CELF2: variants seen among roughly 807,000 people sequenced by gnomAD.
CELF2 encodes CUG triplet repeat RNA-binding protein 2.
A neutral mutation model predicts 62.6 loss-of-function variants in CELF2; 8 were observed. The ratio of observed to expected loss-of-function variants is 0.13; its 90% confidence interval spans 0.07 to 0.23. The LOEUF is 0.23. Ranked by LOEUF, CELF2 falls within the 10% of genes least tolerant of loss-of-function variation. The pLI, the probability that CELF2 is intolerant of heterozygous loss-of-function variation, is 1.00. For missense variants in CELF2, 333 were observed against 671.0 expected, an observed-to-expected ratio of 0.50 and a Z score of 5.56; for synonymous variants, 258 against 250.0, an observed-to-expected ratio of 1.03 and a Z score of -0.30.
Position 11,057,258 on chromosome 10 carries a change from C to T in CELF2, c.74+39095C>T, listed in dbSNP as rs555486728. 1.2e-4 allele frequency among the ~76,000 whole-genome samples: 18 copies of T among 149,192 alleles called. No individual in the cohort carries two copies. In the South Asian group the frequency reaches 2.4e-3, roughly 20 times the overall value. On this transcript the variant is annotated intron_variant, in intron 1 of 12. Coordinates refer to ENST00000633077, the MANE Select transcript of CELF2 (RefSeq NM_001326342.2). ...TACGAGGTGCGCCTGCCTGTGAGAG[C>T]GATGCCTGGGCCTCTAGAGGGGTAG... is the stretch of plus-strand genomic sequence containing the variant.
chr10:10,991,338 AATTCTGATGACAGGCCT>A (rs1347828851), intron 2 of CELF2, among the ~76,000 whole-genome samples: 2 of 152,230 alleles, frequency 1.3e-5, no homozygotes, highest in East Asian at 3.8e-4. Flanking sequence ...CCTAAGAAGC[AATTCTGATGACAGGCCT>A]ATGAGGCACA....
At chr10:10,689,903 G>A in the CELF2 span, among the ~76,000 whole-genome samples, 1 of 152,198 alleles carries the variant, frequency 6.6e-6, no homozygotes, top group African/African-American at 2.4e-5. Flanking sequence ...CCCACAGGAA[G>A]TATTTCATTC....
chr10:10,857,809 G>T (rs1006365249), intron 1 of CELF2, among the ~76,000 whole-genome samples: 3 of 151,002 alleles, frequency 2.0e-5, no homozygotes, highest in African/African-American at 7.3e-5. Context: ...TAAAAAAAAT[G>T]ACTTTAAAAC....
chr10:10,797,102 T>G (rs921323582), upstream of CELF2, among the ~76,000 whole-genome samples: 6 of 152,178 alleles, frequency 3.9e-5, no homozygotes, highest in Non-Finnish European at 7.4e-5. Flanking sequence ...GATAGGCGTT[T>G]GGAGTGGCAA....
intron 1 of CELF2, among the ~76,000 whole-genome samples, chr10:10,815,508 G>A (rs901413023): frequency 2.0e-5 from 3 of 152,150 alleles, no homozygotes; most frequent in Non-Finnish European, 4.4e-5. Context: ...CTGTTCTGCT[G>A]TCTTCCCTCA....
At chr10:10,728,682 G>T in the CELF2 span, among the ~76,000 whole-genome samples, 4 of 152,106 alleles carry the variant, frequency 2.6e-5, no homozygotes, top group Non-Finnish European at 5.9e-5. Flanking sequence ...CTATTTTATT[G>T]AATGTGTGCT....
chr10:10,610,897 T>C, the CELF2 span, among the ~76,000 whole-genome samples: 2 of 152,188 alleles, frequency 1.3e-5, no homozygotes, highest in Non-Finnish European at 2.9e-5. Flanking sequence ...TCAAAATGCA[T>C]ACTTTGCAAA....
In CELF2 at chr10:11,329,474, G is replaced by C. The variant is rs1156565976; in HGVS notation, c.*421G>C. On this transcript the variant is annotated 3_prime_UTR_variant, in exon 13 of 13. Transcript: ENST00000633077. This position sits in a 1 kb window ranked among gnomAD's most constrained non-coding sequence, Gnocchi z 5.5. The stretch of plus-strand genomic sequence containing the variant: ...AAACCACTGGTGCCCCGAGAGCACT[G>C]CCTGGAGAATTCACCCCTCCTTGCC... The C allele has an allele frequency of 6.5e-6, 1 of 152,822 alleles. No individual in the cohort carries two copies. Among genetic ancestry groups the C allele is most frequent in the Non-Finnish European group, 1.5e-5 (1 of 68,184 alleles). The allele number at this position is 152,822 out of a possible 1,614,324, so 9.5% of individuals were successfully genotyped here. A position where few individuals can be genotyped will look rare whatever the true frequency, so the allele number is the denominator to read the frequency against.
At chr10:10,683,982 C>T in the CELF2 span, among the ~76,000 whole-genome samples, 1 of 152,066 alleles carries the variant, frequency 6.6e-6, no homozygotes, top group South Asian at 2.1e-4. Flanking sequence ...AGAATTTCTA[C>T]CTTTAGGGAC....
chr10:10,902,071 C>A (rs2062976713), intron 1 of CELF2, among the ~76,000 whole-genome samples: 1 of 152,114 alleles, frequency 6.6e-6, no homozygotes, highest in Admixed American at 6.6e-5. Context: ...TTAAAAATAC[C>A]AAGTCACGGT....
At chr10:10,729,543 A>G in the CELF2 span, among the ~76,000 whole-genome samples, 1 of 152,162 alleles carries the variant, frequency 6.6e-6, no homozygotes, top group East Asian at 1.9e-4. Context: ...TGAGACAAAG[A>G]TAAGATAAGA....
At chr10:10,907,399 TA>T (rs1254983411) in intron 1 of CELF2, among the ~76,000 whole-genome samples, 1 of 152,202 alleles carries the variant, frequency 6.6e-6, no homozygotes, top group Non-Finnish European at 1.5e-5. Context: ...CTTCACCTTT[TA>T]AAAAAAGTTT....
chr10:10,462,657 G>C, the CELF2 span, among the ~76,000 whole-genome samples: 8 of 87,818 alleles, frequency 9.1e-5, no homozygotes, highest in Admixed American at 1.4e-3. Context: ...TTTTTTTAAA[G>C]AGCTGAAGGC....
Position 11,288,413 on chromosome 10 carries a change from C to T in CELF2, c.842-5C>T. 6.2e-7 allele frequency: 1 copy of T among 1,613,902 alleles called. No individual in the cohort carries two copies. ...GCTGAAAGTAACTTTCTCTTCCCTC[C>T]ACAGGCATGAATGCTTTACAGTTGC... On this transcript the variant is annotated splice_region_variant and splice_polypyrimidine_tract_variant and intron_variant, in intron 8 of 12. Transcript: ENST00000633077.
At chr10:11,263,650 A>T (rs550808786) in intron 5 of CELF2, among the ~76,000 whole-genome samples, 1 of 152,234 alleles carries the variant, frequency 6.6e-6, no homozygotes, top group Non-Finnish European at 1.5e-5. Context: ...TTTCTGTCCA[A>T]TGGAAAGCCT....
rs1290011064 is a variant in CELF2 at position 11,227,194 on chromosome 10, A to G, written c.354+9687A>G. On this transcript the variant is annotated intron_variant, in intron 3 of 12. Coordinates refer to ENST00000633077, the MANE Select transcript of CELF2 (RefSeq NM_001326342.2). This position sits in a 1 kb window ranked among gnomAD's most constrained non-coding sequence, Gnocchi z 4.8. ...ATCATCACACCCTCCTGCCCTGAAA[A>G]CTCCTGGAGGCCTTTAGAAAGGAAC... Among the ~76,000 whole-genome samples, 1 of 151,174 alleles carries G rather than the reference A, an allele frequency of 6.6e-6. No individual in the cohort carries two copies. The highest frequency in any genetic ancestry group is 2.4e-5 in the African/African-American group (1 of 41,024).
the CELF2 span, among the ~76,000 whole-genome samples, chr10:10,738,191 T>C: frequency 3.3e-5 from 5 of 152,240 alleles, no homozygotes; most frequent in South Asian, 1.0e-3. Flanking sequence ...TGTGAAGAGA[T>C]AGATGAACTA....
chr10:11,018,249 G>C (rs2057636263), intron 1 of CELF2, 86 bp downstream of exon 1: 10 of 1,187,874 alleles, frequency 8.4e-6, no homozygotes, highest in Non-Finnish European at 1.1e-5. Flanking sequence ...GTCGCCCGCA[G>C]CTCCCGGGCG....
rs972108197 is a variant in CELF2 at position 11,306,829 on chromosome 10, C to T, written c.977-7310C>T. ...GAAGTGAGAAATTATGTCCAGTTCA[C>T]TATAGCCAGCCTCCCAGTTTTTAAA... is the stretch of plus-strand genomic sequence containing the variant. On this transcript the variant is annotated intron_variant, in intron 9 of 12. Transcript: ENST00000633077. The surrounding 1 kb of genome is among the most constrained non-coding windows in gnomAD (Gnocchi z 4.4). Among the ~76,000 whole-genome samples, 1 of 152,128 alleles carries T rather than the reference C, an allele frequency of 6.6e-6. No individual in the cohort carries two copies. The highest frequency in any genetic ancestry group is 2.4e-5 in the African/African-American group (1 of 41,412).
Sources: allele counts gnomAD v4.1 joint callset (sites outside exome capture counted in the v4.1 genomes callset), GRCh38; gene constraint gnomAD v4.1.1; non-coding constraint Gnocchi (gnomAD v3.1); transcripts MANE v1.5; gene names NCBI Gene and HGNC (gene_info 2026-07-23, HGNC 2026-07-21).